The following CIAO2A variants were observed in gnomAD, a reference collection of about 807,000 sequenced individuals.
The protein encoded by CIAO2A is cytosolic iron-sulfur assembly component 2A, also known as MIP18 family protein FAM96A.
Under a neutral mutation model 22.4 loss-of-function variants are expected in CIAO2A, and 17 were observed. The ratio of observed to expected loss-of-function variants is 0.76; its 90% CI spans 0.52 to 1.14. The LOEUF (loss-of-function observed/expected upper bound fraction) is 1.14. Ranked by LOEUF, CIAO2A falls within the 50% of genes most tolerant of loss-of-function variation. The probability of loss-of-function intolerance (pLI) is 0.00; values close to 1 mark genes in which losing one functional copy is unlikely to be tolerated. For missense variants in CIAO2A, 192 were observed against 191.4 expected (o/e 1.00, Z -0.02); for synonymous variants, 74 against 72.3 (o/e 1.02, Z -0.12).
At chr15:64,075,420 C>G in intron 4 of CIAO2A, 72 bp downstream of exon 4, 1 of 935,088 alleles carries the variant, frequency 1.1e-6, no homozygotes, top group Non-Finnish European at 1.6e-6. Flanking sequence ...TCTTGGCTGG[C>G]AGAAGAATCC....
chr15:64,093,647 T>A lies in CIAO2A; in HGVS notation c.122A>T (p.Tyr41Phe). The A allele has an allele frequency of 1.2e-6, 2 of 1,613,270 alleles. No individual in the cohort carries two copies. Among genetic ancestry groups the A allele is most frequent in the Non-Finnish European group, 1.7e-6 (2 of 1,179,672 alleles). The change falls in exon 1 of 5, where the codon TAT becomes TTT. Residue 41 changes from tyrosine to phenylalanine, a missense_variant and splice_region_variant. Coordinates refer to ENST00000300030, the MANE Select transcript of CIAO2A (RefSeq NM_032231.7). ...RIMEEKALEVYDLIRTIRDPE... is the reference protein window; with the variant it reads ...RIMEEKALEVFDLIRTIRDPE... ...CTGTGCTGGGTAAAATTAATTACCA[T>A]AAACTTCTAGCGCTTTCTCTTCCAT...
At chr15:64,092,063 CA>C (rs35475525) in intron 1 of CIAO2A, among the ~76,000 whole-genome samples, 5,015 of 63,710 alleles carry the variant, frequency 0.079, 77 homozygotes, top group African/African-American at 0.16. Flanking sequence ...GACCCTGTCT[CA>C]AAAAAAAAAA....
chr15:64,082,494 C>T (rs905184610), intron 2 of CIAO2A, among the ~76,000 whole-genome samples: 4 of 152,162 alleles, frequency 2.6e-5, no homozygotes, highest in Non-Finnish European at 5.9e-5. Context: ...TCCCAAAGTG[C>T]TGGTATTATA....
Sources: gnomAD v4.1 joint callset for allele counts (sites outside exome capture counted in the v4.1 genomes callset) on GRCh38, gnomAD v4.1.1 for gene constraint, MANE v1.5 for transcripts, NCBI Gene and HGNC (gene_info 2026-07-23, HGNC 2026-07-21) for gene names.